The following CDK14 variants were observed in gnomAD, a reference collection of about 807,000 sequenced individuals.
The protein encoded by CDK14 is cyclin-dependent kinase 14.
A neutral mutation model predicts 60.7 loss-of-function variants in CDK14; 34 were observed. That is an observed-to-expected ratio of 0.56 (90% CI 0.43 to 0.75). The LOEUF (loss-of-function observed/expected upper bound fraction) is 0.75, where lower values mean the gene tolerates loss of function less well. CDK14 is among the 30% of genes least tolerant of loss of function. CDK14 has a pLI of 0.00. For synonymous variants in CDK14, 197 were observed against 203.7 expected (o/e 0.97, Z 0.28); for missense variants, 482 against 564.1 (o/e 0.85, Z 1.47).
chr7:91,010,835 C>CCTTCCTT (rs1562867326), intron 10 of CDK14, among the ~76,000 whole-genome samples: 3,997 of 45,384 alleles, frequency 0.088, 106 homozygotes, highest in Non-Finnish European at 0.11. Context: ...CTTCCTTCCT[C>CCTTCCTT]CCTCCCTCCC....
intron 10 of CDK14, among the ~76,000 whole-genome samples, chr7:91,001,833 C>G (rs905916163): frequency 2.0e-5 from 3 of 152,154 alleles, no homozygotes; most frequent in Non-Finnish European, 4.4e-5. Flanking sequence ...GAGCTTAAAC[C>G]CAGTTGTTGT....
intron 2 of CDK14, among the ~76,000 whole-genome samples, chr7:90,712,761 T>G (rs1222443343): frequency 6.6e-6 from 1 of 152,104 alleles, no homozygotes; most frequent in Non-Finnish European, 1.5e-5. Flanking sequence ...GCTGAAATAA[T>G]TGGAAGCTGG....
chr7:90,649,118 G>A (rs780876193), intron 2 of CDK14, among the ~76,000 whole-genome samples: 33 of 152,126 alleles, frequency 2.2e-4, no homozygotes, highest in Non-Finnish European at 7.3e-5. Flanking sequence ...TTTCCAGTTT[G>A]TTCCTGGCAG....
chr7:91,115,423 C>A (rs918641747), intron 13 of CDK14, among the ~76,000 whole-genome samples: 8 of 152,012 alleles, frequency 5.3e-5, no homozygotes, highest in African/African-American at 1.7e-4. Context: ...TCATGAGGGC[C>A]CCTCCCTTAT....
chr7:91,056,878 C>T (rs1053281719), intron 11 of CDK14, among the ~76,000 whole-genome samples: 11 of 152,040 alleles, frequency 7.2e-5, no homozygotes, highest in Non-Finnish European at 1.0e-4. Context: ...TACGTGTGTA[C>T]GTGTCTTTAT....
intron 4 of CDK14, among the ~76,000 whole-genome samples, chr7:90,787,930 G>GA (rs1426855233): frequency 1.3e-5 from 2 of 152,218 alleles, no homozygotes; most frequent in South Asian, 4.2e-4. Context: ...TACTTAGGGG[G>GA]AATCCATCTT....
intron 4 of CDK14, among the ~76,000 whole-genome samples, chr7:90,784,515 A>G (rs563080565): frequency 2.0e-5 from 3 of 152,324 alleles, no homozygotes; most frequent in Non-Finnish European, 4.4e-5. Context: ...TATCAATAGC[A>G]TATGTACCCT....
At chr7:91,088,316 C>T (rs1798697402) in intron 12 of CDK14, among the ~76,000 whole-genome samples, 1 of 152,048 alleles carries the variant, frequency 6.6e-6, no homozygotes, top group Non-Finnish European at 1.5e-5. Flanking sequence ...ACATCCATAC[C>T]CTAAGGCACA....
At chr7:90,618,701 A>G (rs1204618224) in intron 2 of CDK14, among the ~76,000 whole-genome samples, 3 of 152,220 alleles carry the variant, frequency 2.0e-5, no homozygotes, top group African/African-American at 7.2e-5. Flanking sequence ...GCTCCTAAAA[A>G]AAGACTTGGC....
At chr7:91,051,843 C>G (rs533688157) in intron 11 of CDK14, among the ~76,000 whole-genome samples, 1 of 152,160 alleles carries the variant, frequency 6.6e-6, no homozygotes, top group Non-Finnish European at 1.5e-5. Flanking sequence ...CTGCTACATC[C>G]CATCGACAGG....
Position 90,881,026 on chromosome 7 carries a change from G to A in CDK14, c.639+17757G>A, listed in dbSNP as rs186796800. 2.6e-5 allele frequency among the ~76,000 whole-genome samples: 4 copies of A among 152,240 alleles called. No individual in the cohort carries two copies. The East Asian group carries it at 5.8e-4, about 22-fold the overall frequency. On this transcript the variant is annotated intron_variant, in intron 6 of 14. Coordinates refer to ENST00000380050, the MANE Select transcript of CDK14 (RefSeq NM_001287135.2). ...TGCTAAAAACCCAAAAGGCTAGAGG[G>A]CCTCTTCTCCTCCAAATGATTGCAA... is the stretch of plus-strand genomic sequence containing the variant.
intron 9 of CDK14, among the ~76,000 whole-genome samples, chr7:90,961,256 A>T (rs1468409154): frequency 3.9e-5 from 6 of 152,178 alleles, no homozygotes. Flanking sequence ...ACTAAAATAT[A>T]GTGGGTGTCT....
intron 9 of CDK14, among the ~76,000 whole-genome samples, chr7:90,972,748 T>A: frequency 6.6e-6 from 1 of 152,240 alleles, no homozygotes; most frequent in East Asian, 1.9e-4. Context: ...TTCCTTTGGC[T>A]GGAGCTTGAA....
chr7:90,742,058 C>T (rs1803369114), intron 3 of CDK14, among the ~76,000 whole-genome samples: 1 of 151,874 alleles, frequency 6.6e-6, no homozygotes, highest in South Asian at 2.1e-4. Flanking sequence ...TAAAATATTT[C>T]TTAGAATTTT....
chr7:90,877,859 G>T (rs1367763283), intron 6 of CDK14, among the ~76,000 whole-genome samples: 1 of 152,116 alleles, frequency 6.6e-6, no homozygotes, highest in Non-Finnish European at 1.5e-5. Flanking sequence ...ACATTGAACT[G>T]AGTGGTATCT....
chr7:90,630,773 T>A (rs1315458228), intron 2 of CDK14, among the ~76,000 whole-genome samples: 1 of 152,078 alleles, frequency 6.6e-6, no homozygotes, highest in East Asian at 1.9e-4. Context: ...TCAGGTGAAT[T>A]TTTTTTACTT....
At chr7:90,657,932 T>C (rs1800783938) in intron 2 of CDK14, among the ~76,000 whole-genome samples, 1 of 152,234 alleles carries the variant, frequency 6.6e-6, no homozygotes, top group South Asian at 2.1e-4. Context: ...GTCCACATCT[T>C]TGCTCCTTCT....
intron 3 of CDK14, among the ~76,000 whole-genome samples, chr7:90,739,164 G>T (rs1350281468): frequency 1.3e-5 from 2 of 152,180 alleles, no homozygotes; most frequent in East Asian, 1.9e-4. Context: ...GAGTCAGCAT[G>T]ATTGATTTGT....
chr7:91,140,771 A>G (rs1435360128), intron 14 of CDK14, among the ~76,000 whole-genome samples: 1 of 152,190 alleles, frequency 6.6e-6, no homozygotes, highest in Non-Finnish European at 1.5e-5. Flanking sequence ...TATTTAGCAC[A>G]ATACTTGCTT....
Sources: gnomAD v4.1 joint callset for allele counts (sites outside exome capture counted in the v4.1 genomes callset) on GRCh38, gnomAD v4.1.1 for gene constraint, MANE v1.5 for transcripts, NCBI Gene and HGNC (gene_info 2026-07-23, HGNC 2026-07-21) for gene names.